The following NRXN3 variants were observed in gnomAD, a reference collection of about 807,000 sequenced individuals.
NRXN3 encodes neurexin III.
A neutral mutation model predicts 137.6 loss-of-function variants in NRXN3; 32 were observed. The ratio of observed to expected loss-of-function variants is 0.23; its 90% confidence interval spans 0.18 to 0.31. The LOEUF is 0.31. NRXN3 is among the 10% of genes least tolerant of loss of function. NRXN3 has a pLI of 1.00. For synonymous variants in NRXN3, 798 were observed against 784.5 expected, an observed-to-expected ratio of 1.02 and a Z score of -0.29; for missense variants, 1,574 against 2,062.5, an observed-to-expected ratio of 0.76 and a Z score of 4.59.
At position 78,938,097 on chromosome 14, in the gene NRXN3, GATGA is replaced by G. The variant is rs151249351; in HGVS notation, c.2276-19142_2276-19139del. Among the ~76,000 whole-genome samples the G allele has an allele frequency of 8.2e-4, 125 of 152,342 alleles. No individual in the cohort carries two copies. The East Asian group carries it at 0.023, about 27-fold the overall frequency. On this transcript the variant is annotated intron_variant, in intron 10 of 20. Transcript: ENST00000335750. ...TCTTCATGGAATTAAATACAGAAAG[GATGA>G]ATACAGAGGAGATCCTGTGCTGGAC...
intron 16 of NRXN3, among the ~76,000 whole-genome samples, chr14:79,467,788 CCTT>C (rs2096449926): frequency 6.6e-6 from 1 of 152,140 alleles, no homozygotes; most frequent in Non-Finnish European, 1.5e-5. Context: ...ATTTGGCAAA[CCTT>C]CTGTAAAGAG....
At chr14:79,317,834 A>G (rs1396867322) in intron 15 of NRXN3, among the ~76,000 whole-genome samples, 1 of 152,222 alleles carries the variant, frequency 6.6e-6, no homozygotes, top group Non-Finnish European at 1.5e-5. Context: ...ATATAATAAT[A>G]CATGTCTACG....
chr14:78,926,495 C>CT (rs1238850757), intron 10 of NRXN3, among the ~76,000 whole-genome samples: 3 of 147,050 alleles, frequency 2.0e-5, no homozygotes, highest in African/African-American at 5.0e-5. Context: ...AATGCCAGCA[C>CT]TTTGAGAGGC....
intron 8 of NRXN3, among the ~76,000 whole-genome samples, chr14:78,765,296 G>A (rs1309828217): frequency 6.6e-6 from 1 of 152,080 alleles, no homozygotes; most frequent in Non-Finnish European, 1.5e-5. Flanking sequence ...TAGGATTATA[G>A]GTATGCACCA....
At chr14:78,571,174 T>C (rs1033117751) in intron 4 of NRXN3, among the ~76,000 whole-genome samples, 3 of 152,210 alleles carry the variant, frequency 2.0e-5, no homozygotes, top group African/African-American at 7.2e-5. Context: ...GCTGAACTAA[T>C]AATGGTTTTT....
intron 15 of NRXN3, among the ~76,000 whole-genome samples, chr14:79,036,014 C>T (rs752940659): frequency 6.6e-6 from 1 of 151,954 alleles, no homozygotes; most frequent in Non-Finnish European, 1.5e-5. Context: ...TCCATTATAT[C>T]ATTCATCTTG....
intron 4 of NRXN3, among the ~76,000 whole-genome samples, chr14:78,576,626 G>C (rs535229657): frequency 1.3e-5 from 2 of 152,110 alleles, no homozygotes; most frequent in African/African-American, 4.8e-5. Flanking sequence ...GCACGGGCAA[G>C]CTTATTCTCA....
At chr14:79,056,681 G>C (rs1320392031) in intron 15 of NRXN3, among the ~76,000 whole-genome samples, 1 of 152,184 alleles carries the variant, frequency 6.6e-6, no homozygotes, top group Non-Finnish European at 1.5e-5. Flanking sequence ...TTAGAAAATA[G>C]TCAGGGCTGG....
chr14:78,401,196 T>C (rs908220402), intron 4 of NRXN3, among the ~76,000 whole-genome samples: 2 of 151,856 alleles, frequency 1.3e-5, no homozygotes, highest in Non-Finnish European at 2.9e-5. Context: ...ATGGCGTCTT[T>C]CTCTGTTGCC....
chr14:79,709,343 A>G (rs1419557743), intron 19 of NRXN3, among the ~76,000 whole-genome samples: 1 of 152,170 alleles, frequency 6.6e-6, no homozygotes, highest in East Asian at 1.9e-4. Context: ...CAAAGTATTA[A>G]TGTAAGTGAA....
At chr14:78,365,217 T>C (rs2085742960) in intron 4 of NRXN3, among the ~76,000 whole-genome samples, 1 of 151,680 alleles carries the variant, frequency 6.6e-6, no homozygotes, top group Non-Finnish European at 1.5e-5. Context: ...GAATAGGTCA[T>C]ATATATATAT....
chr14:79,709,265 C>T (rs1361065253), intron 19 of NRXN3, among the ~76,000 whole-genome samples: 1 of 152,066 alleles, frequency 6.6e-6, no homozygotes, highest in Non-Finnish European at 1.5e-5. Flanking sequence ...TATCTGTTTA[C>T]CTATCTCTTC....
At chr14:79,015,751 A>T (rs933677616) in intron 15 of NRXN3, among the ~76,000 whole-genome samples, 2 of 152,150 alleles carry the variant, frequency 1.3e-5, no homozygotes, top group Non-Finnish European at 2.9e-5. Context: ...TTGTCTGGTG[A>T]TGTGGGCTGC....
intron 4 of NRXN3, among the ~76,000 whole-genome samples, chr14:78,520,057 C>T (rs976487288): frequency 7.9e-5 from 12 of 152,186 alleles, no homozygotes; most frequent in Non-Finnish European, 1.6e-4. Context: ...CTCCATGGTG[C>T]TGAAACATCC....
At chr14:78,478,176 A>G (rs1040611053) in intron 4 of NRXN3, among the ~76,000 whole-genome samples, 1 of 152,202 alleles carries the variant, frequency 6.6e-6, no homozygotes, top group Non-Finnish European at 1.5e-5. Flanking sequence ...CAGAAGTATG[A>G]TGTCTGTCCT....
chr14:78,411,544 C>T (rs1202249415), intron 4 of NRXN3, among the ~76,000 whole-genome samples: 2 of 152,128 alleles, frequency 1.3e-5, no homozygotes, highest in Non-Finnish European at 2.9e-5. Flanking sequence ...TCCTAGAAAG[C>T]CTGGTTCTTT....
intron 8 of NRXN3, among the ~76,000 whole-genome samples, chr14:78,720,909 A>G (rs1033579823): frequency 3.3e-5 from 5 of 152,222 alleles, no homozygotes; most frequent in Admixed American, 6.5e-5. Flanking sequence ...TAGAGATTCC[A>G]TAAACAGGTA....
intron 16 of NRXN3, among the ~76,000 whole-genome samples, chr14:79,571,938 A>G (rs2097607362): frequency 6.6e-6 from 1 of 152,144 alleles, no homozygotes; most frequent in Non-Finnish European, 1.5e-5. Context: ...CTATTTCCCT[A>G]CAGATTTTCC....
chr14:78,301,420 A>ATGCC lies in NRXN3; in HGVS notation c.757+3562_757+3565dup, dbSNP rs1221971154. On this transcript the variant is annotated intron_variant, in intron 4 of 20. Transcript: ENST00000335750. ...TGCAAACTTGCGCCAACACTCTGAC[A>ATGCC]TGCCTTTCATCGCACCACACCTTTG... Among the ~76,000 whole-genome samples the ATGCC allele has an allele frequency of 7.2e-5, 11 of 152,248 alleles. No homozygotes were observed. In the South Asian group the frequency reaches 1.2e-3, roughly 17 times the overall value.
Sources: allele counts gnomAD v4.1 joint callset (sites outside exome capture counted in the v4.1 genomes callset), GRCh38; gene constraint gnomAD v4.1.1; transcripts MANE v1.5; gene names NCBI Gene and HGNC (gene_info 2026-07-23, HGNC 2026-07-21).